CUL5: variants seen among roughly 807,000 people sequenced by gnomAD.
The protein encoded by CUL5 is cullin 5.
CUL5 carries 26 observed loss-of-function variants against 108.8 expected under a neutral mutation model. The ratio of observed to expected loss-of-function variants is 0.24; its 90% CI spans 0.18 to 0.33. The LOEUF is 0.33. Among genes scored for constraint, CUL5 ranks in the 10% least tolerant of loss-of-function variants. The pLI is 1.00. For missense variants in CUL5, 524 were observed against 909.2 expected (o/e 0.58, Z 5.45); for synonymous variants, 334 against 298.0 (o/e 1.12, Z -1.25).
In CUL5 at chr11:108,104,586, G is replaced by C. The variant is rs1864746361; in HGVS notation, c.*202G>C. The C allele has an allele frequency of 7.5e-6, 3 of 398,870 alleles. No individual in the cohort carries two copies. Among genetic ancestry groups the C allele is most frequent in the Non-Finnish European group, 1.3e-5 (3 of 226,400 alleles). 24.7% of individuals were successfully genotyped at this position (398,870 alleles called of 1,614,324 possible). On this transcript the variant is annotated 3_prime_UTR_variant, in exon 19 of 19. Transcript: ENST00000393094. Reference sequence around the variant, plus strand: ...ATTCCCTTCATGTTGCACACTCTTTGACAGCATGCTGTTTTGTGGAGAAAC... The same window carrying C: ...ATTCCCTTCATGTTGCACACTCTTTCACAGCATGCTGTTTTGTGGAGAAAC...
chr11:108,084,016 A>C (rs939786709), intron 11 of CUL5, among the ~76,000 whole-genome samples: 3 of 152,074 alleles, frequency 2.0e-5, no homozygotes, highest in African/African-American at 7.2e-5. Flanking sequence ...ATCATCTGTC[A>C]TTAGTGTTAG....
In CUL5 at chr11:108,015,566, T is replaced by C. The variant is rs1862163196; in HGVS notation, c.24+6194T>C. Among the ~76,000 whole-genome samples, 4 of 152,180 alleles carry C rather than the reference T, an allele frequency of 2.6e-5. No individual in the cohort carries two copies. The South Asian group carries it at 8.3e-4, about 31-fold the overall frequency. On this transcript the variant is annotated intron_variant, in intron 1 of 18. Transcript: ENST00000393094. The stretch of plus-strand genomic sequence containing the variant: ...TTAGAGCGGCCTTCCCCTCCTTCAG[T>C]GTACTGTCCTAGAGAGATGGTTGCA...
chr11:108,073,342 G>T (rs995279040), intron 9 of CUL5, 48 bp from the exon 10 acceptor site: 3 of 808,818 alleles, frequency 3.7e-6, no homozygotes, highest in Middle Eastern at 2.7e-4. Context: ...ATTTTTTTGT[G>T]TTATTCTTTT....
At chr11:108,025,659 C>T (rs534762550) in intron 1 of CUL5, among the ~76,000 whole-genome samples, 2 of 152,276 alleles carry the variant, frequency 1.3e-5, no homozygotes, top group African/African-American at 2.4e-5. Context: ...TTGTTCTGCC[C>T]ATTCCCATTC....
intron 1 of CUL5, among the ~76,000 whole-genome samples, chr11:108,015,143 C>A (rs907988827): frequency 2.0e-5 from 3 of 152,180 alleles, no homozygotes; most frequent in Non-Finnish European, 4.4e-5. Flanking sequence ...AAGTGATCCT[C>A]CCACCTCAGC....
chr11:108,061,644 C>G (rs1290379319), intron 7 of CUL5, among the ~76,000 whole-genome samples: 2 of 152,114 alleles, frequency 1.3e-5, no homozygotes, highest in African/African-American at 4.8e-5. Flanking sequence ...CTATTTCCCT[C>G]CCCGTTTTGC....
intron 18 of CUL5, among the ~76,000 whole-genome samples, chr11:108,103,315 C>T (rs1864715955): frequency 1.3e-5 from 2 of 151,856 alleles, no homozygotes; most frequent in African/African-American, 4.8e-5. Flanking sequence ...AATCCTAGCA[C>T]TTTGGGAGAC....
chr11:108,063,559 T>G (rs1446897504), intron 7 of CUL5, among the ~76,000 whole-genome samples: 1 of 150,480 alleles, frequency 6.6e-6, no homozygotes, highest in Non-Finnish European at 1.5e-5. Flanking sequence ...AAACTTAAAG[T>G]ATAATAATAA....
intron 18 of CUL5, among the ~76,000 whole-genome samples, chr11:108,099,822 T>C (rs1375685736): frequency 6.6e-6 from 1 of 152,160 alleles, no homozygotes; most frequent in Admixed American, 6.5e-5. Flanking sequence ...CCAGACAGTA[T>C]GTACTTTTAT....
intron 1 of CUL5, among the ~76,000 whole-genome samples, chr11:108,024,247 C>A (rs1862402732): frequency 6.6e-6 from 1 of 152,120 alleles, no homozygotes; most frequent in Admixed American, 6.5e-5. Context: ...TCAGGTTGTA[C>A]AGTGTGCATA....
chr11:108,102,880 C>T (rs1864705952), intron 18 of CUL5, among the ~76,000 whole-genome samples: 1 of 152,276 alleles, frequency 6.6e-6, no homozygotes. Context: ...ACTGCAACCT[C>T]CACCTCCCAG....
At chr11:108,087,114 A>G (rs1864237646) in intron 11 of CUL5, among the ~76,000 whole-genome samples, 2 of 152,210 alleles carry the variant, frequency 1.3e-5, no homozygotes, top group East Asian at 1.9e-4. Context: ...ATTGAATGAT[A>G]TAATAAGAAA....
Position 108,036,697 on chromosome 11 carries a change from C to T in CUL5, c.134+2786C>T, listed in dbSNP as rs954113882. ...TTCACCATGTTGGCCGGGATGGTCTCGAACTCTTGACCTCAAAGTTACCTG... is the reference window on the plus strand; with the variant it reads ...TTCACCATGTTGGCCGGGATGGTCTTGAACTCTTGACCTCAAAGTTACCTG... On this transcript the variant is annotated intron_variant, in intron 2 of 18. Transcript: ENST00000393094. 7.2e-5 allele frequency among the ~76,000 whole-genome samples: 11 copies of T among 152,176 alleles called. 1 individual carries two copies. The highest frequency in any genetic ancestry group is 3.3e-4 in the Admixed American group (5 of 15,282).
chr11:108,088,377 G>A (rs1368089195), intron 11 of CUL5, 150 bp from the exon 12 acceptor site: 1 of 717,542 alleles, frequency 1.4e-6, no homozygotes, highest in Admixed American at 3.4e-5. Flanking sequence ...CCCTAAATTA[G>A]GCACCCTAGG....
intron 13 of CUL5, among the ~76,000 whole-genome samples, chr11:108,090,797 C>T (rs914697869): frequency 3.9e-5 from 6 of 152,044 alleles, no homozygotes; most frequent in East Asian, 1.9e-4. Flanking sequence ...AGCAAGCACA[C>T]ACGAGAGAGA....
At chr11:108,076,188 A>G (rs909112049) in intron 10 of CUL5, among the ~76,000 whole-genome samples, 14 of 151,724 alleles carry the variant, frequency 9.2e-5, no homozygotes, top group African/African-American at 3.4e-4. Flanking sequence ...ATGCACCACT[A>G]TGTTTGGCTA....
intron 18 of CUL5, among the ~76,000 whole-genome samples, chr11:108,101,825 A>G (rs1012044986): frequency 6.6e-6 from 1 of 152,098 alleles, no homozygotes; most frequent in African/African-American, 2.4e-5. Context: ...ATGTTTACAA[A>G]TGCCTCTGCT....
intron 2 of CUL5, among the ~76,000 whole-genome samples, chr11:108,037,173 T>C (rs937130786): frequency 2.0e-5 from 3 of 152,188 alleles, no homozygotes; most frequent in Non-Finnish European, 4.4e-5. Flanking sequence ...CTCTTCACTT[T>C]AGTCAGCATG....
At chr11:108,066,156 C>A (rs1029501091) in intron 7 of CUL5, among the ~76,000 whole-genome samples, 1 of 152,060 alleles carries the variant, frequency 6.6e-6, no homozygotes, top group Non-Finnish European at 1.5e-5. Context: ...CTGGCTAACA[C>A]GGTGAAACCC....
Sources: allele counts gnomAD v4.1 joint callset (sites outside exome capture counted in the v4.1 genomes callset), GRCh38; gene constraint gnomAD v4.1.1; transcripts MANE v1.5; gene names NCBI Gene and HGNC (gene_info 2026-07-23, HGNC 2026-07-21).